Variants in PEX19 observed in about 807,000 individuals in gnomAD.
PEX19 encodes the protein peroxisomal biogenesis factor 19.
PEX19 carries 29 observed loss-of-function variants against 36.3 expected under a neutral mutation model. That is an observed-to-expected ratio of 0.80 (90% CI 0.60 to 1.09). PEX19 has a LOEUF of 1.09. PEX19 is among the 50% of genes least tolerant of loss of function. The pLI is 0.00. For synonymous variants in PEX19, 141 were observed against 135.2 expected (o/e 1.04, Z -0.30); for missense variants, 396 against 368.1 (o/e 1.08, Z -0.62).
rs186821837 is a variant in PEX19, at chr1:160,277,806, A to G, written c.*1745T>C. 1.1e-4 allele frequency: 56 copies of G among 517,044 alleles called. No individual in the cohort carries two copies. In the East Asian group the frequency reaches 2.8e-3, roughly 25 times the overall value. 32.0% of individuals were successfully genotyped at this position (517,044 alleles called of 1,614,324 possible). On this transcript the variant is annotated 3_prime_UTR_variant, in exon 8 of 8. Coordinates refer to ENST00000368072, the MANE Select transcript of PEX19 (RefSeq NM_002857.4). ...CTTTAAGGAGAAAATAGTGACACTG[A>G]AGCCCCATGACTATATCACAAGTAT... is the stretch of plus-strand genomic sequence containing the variant.
At position 160,279,838 on chromosome 1, in the gene PEX19, T is replaced by C; in HGVS notation, c.779A>G (p.Asp260Gly). The C allele has an allele frequency of 6.2e-7, 1 of 1,613,020 alleles. No homozygotes were observed. Among genetic ancestry groups the C allele is most frequent in the Non-Finnish European group, 8.5e-7 (1 of 1,179,008 alleles). The change falls in exon 7 of 8, where the codon GAT becomes GGT. Residue 260 changes from aspartate (D) to glycine (G), a missense_variant. By Grantham distance (94) the Asp-to-Gly change is moderately conservative. Coordinates refer to ENST00000368072, the MANE Select transcript of PEX19 (RefSeq NM_002857.4). Reference sequence around the variant, plus strand: ...CAGCTCTTTTGGAGGATGGCCTAAATCTTGTAGCTAGAAAATAAGGAAAAT... The same window carrying C: ...CAGCTCTTTTGGAGGATGGCCTAAACCTTGTAGCTAGAAAATAAGGAAAAT... ...MVLDLMQQLQ[D>G]LGHPPKELAG...
chr1:160,280,815 G>A (rs370215037), intron 5 of PEX19, among the ~76,000 whole-genome samples: 37 of 152,146 alleles, frequency 2.4e-4, no homozygotes, highest in African/African-American at 7.9e-4. Context: ...CACTACGCTC[G>A]GCTATTGCAC....
In PEX19 at chr1:160,278,882, G is replaced by GT. The variant is rs1335125500; in HGVS notation, c.*668dup. 4 of 453,960 alleles carry GT rather than the reference G, an allele frequency of 8.8e-6. No individual in the cohort carries two copies. The highest frequency in any genetic ancestry group is 1.8e-5 in the Non-Finnish European group (4 of 226,764). 28.1% of individuals were successfully genotyped at this position (453,960 alleles called of 1,614,324 possible). A position where few individuals can be genotyped will look rare whatever the true frequency, so the allele number is the denominator to read the frequency against. On this transcript the variant is annotated 3_prime_UTR_variant, in exon 8 of 8. Transcript: ENST00000368072. ...GGGTTCACCCATATCACACAGCATT[G>GT]TAGGAAGAAGCAGGGTAACCATTTG...
chr1:160,283,511 A>T lies in PEX19; in HGVS notation c.180+19T>A. ...CATGCCCATCCCCTCCCCATCCCTTAAGGGGGTGGAATTTATACTTTGGCA... is the reference window on the plus strand; with the variant it reads ...CATGCCCATCCCCTCCCCATCCCTTTAGGGGGTGGAATTTATACTTTGGCA... On this transcript the variant is annotated intron_variant, in intron 2 of 7. Transcript: ENST00000368072. 6.5e-7 allele frequency: 1 copy of T among 1,545,438 alleles called. No individual in the cohort carries two copies. The highest frequency in any genetic ancestry group is 8.9e-7 in the Non-Finnish European group (1 of 1,117,956).
At position 160,282,172 on chromosome 1, in the gene PEX19, G is replaced by C; in HGVS notation, c.461C>G (p.Thr154Ser). The change falls in exon 5 of 8, where the codon ACC (threonine) becomes AGC (serine). Residue 154 changes from threonine (T) to serine (S), a missense_variant. Coordinates refer to ENST00000368072, the MANE Select transcript of PEX19 (RefSeq NM_002857.4). Reference protein sequence around the residue: ...QNSSMSEEELTKAMEGLGMDE... With the variant: ...QNSSMSEEELSKAMEGLGMDE... ...CATGCCTAGCCCCTCCATGGCCTTGGTCAGCTCTTCTTCCGACATGCTGGA... is the reference window on the plus strand; with the variant it reads ...CATGCCTAGCCCCTCCATGGCCTTGCTCAGCTCTTCTTCCGACATGCTGGA... The C allele has an allele frequency of 6.2e-7, 1 of 1,614,122 alleles. No individual in the cohort carries two copies. Among genetic ancestry groups the C allele is most frequent in the Non-Finnish European group, 8.5e-7 (1 of 1,180,028 alleles).
rs1031514470 is a variant in PEX19, at chr1:160,277,017, G to A, written c.*2534C>T. The A allele has an allele frequency of 2.4e-5, 11 of 453,954 alleles. No individual in the cohort carries two copies. The highest frequency in any genetic ancestry group is 1.9e-4 in the Admixed American group (8 of 42,540). 28.1% of individuals were successfully genotyped at this position (453,954 alleles called of 1,614,324 possible). A position where few individuals can be genotyped will look rare whatever the true frequency, so the allele number is the denominator to read the frequency against. ...GAAAAGGAAGGCTAGAGAAATGCTA[G>A]AGATGTCCTTACTAGTGACACATTC... On this transcript the variant is annotated 3_prime_UTR_variant, in exon 8 of 8. Coordinates refer to ENST00000368072, the MANE Select transcript of PEX19 (RefSeq NM_002857.4).
intron 2 of PEX19, 113 bp downstream of exon 2, chr1:160,283,417 T>C: frequency 1.3e-6 from 1 of 756,334 alleles, no homozygotes; most frequent in Non-Finnish European, 2.2e-6. Flanking sequence ...CTCACCAATG[T>C]GAGGCCAAGG....
In PEX19 at chr1:160,277,689, A is replaced by C. The variant is rs1248655884; in HGVS notation, c.*1862T>G. On this transcript the variant is annotated 3_prime_UTR_variant, in exon 8 of 8. Coordinates refer to ENST00000368072, the MANE Select transcript of PEX19 (RefSeq NM_002857.4). ...AGCAGAAGTGAGAATCTGTAAAAGA[A>C]AACTGGTAGGACAGAAGGCACAAGG... is the stretch of plus-strand genomic sequence containing the variant. 1 of 455,736 alleles carries C rather than the reference A, an allele frequency of 2.2e-6. No homozygotes were observed. The highest frequency in any genetic ancestry group is 2.3e-5 in the Admixed American group (1 of 42,620). The allele number at this position is 455,736 out of a possible 1,614,324, so 28.2% of individuals were successfully genotyped here.
chr1:160,279,714 T>A, intron 7 of PEX19, 80 bp from the exon 8 acceptor site: 2 of 1,542,056 alleles, frequency 1.3e-6, no homozygotes, highest in Non-Finnish European at 1.8e-6. Context: ...TAGCCACAAT[T>A]TTCACCTTAG....
Position 160,282,151 on chromosome 1 carries a change from C to A in PEX19, c.482G>T (p.Gly161Val). ...EELTKAMEGL[G>V]MDEGDGEGNI... The stretch of plus-strand genomic sequence containing the variant: ...CCCTTCCCCATCCCCTTCGTCCATG[C>A]CTAGCCCCTCCATGGCCTTGGTCAG... The change falls in exon 5 of 8, where the codon GGC becomes GTC. Residue 161 changes from glycine (G) to valine (V), a missense_variant. Coordinates refer to ENST00000368072, the MANE Select transcript of PEX19 (RefSeq NM_002857.4). The A allele has an allele frequency of 6.2e-7, 1 of 1,614,146 alleles. No individual in the cohort carries two copies. Among genetic ancestry groups the A allele is most frequent in the Non-Finnish European group, 8.5e-7 (1 of 1,180,002 alleles).
In PEX19 at chr1:160,279,313, T is replaced by C. The variant is rs1171161646; in HGVS notation, c.*238A>G. The C allele has an allele frequency of 7.4e-6, 5 of 672,978 alleles. No individual in the cohort carries two copies. Among genetic ancestry groups the C allele is most frequent in the Admixed American group, 2.0e-5 (1 of 49,080 alleles). 41.7% of individuals were successfully genotyped at this position (672,978 alleles called of 1,614,324 possible). ...CTTCACCTTGCAGGTAGCTGGAACT[T>C]TGATAGTGGCAGAAACCACAATGGA... is the stretch of plus-strand genomic sequence containing the variant. On this transcript the variant is annotated 3_prime_UTR_variant, in exon 8 of 8. Coordinates refer to ENST00000368072, the MANE Select transcript of PEX19 (RefSeq NM_002857.4).
At position 160,279,164 on chromosome 1, in the gene PEX19, A is replaced by C. The variant is rs1421255769; in HGVS notation, c.*387T>G. 1 of 456,906 alleles carries C rather than the reference A, an allele frequency of 2.2e-6. No individual in the cohort carries two copies. Among genetic ancestry groups the C allele is most frequent in the Non-Finnish European group, 4.4e-6 (1 of 228,574 alleles). The allele number at this position is 456,906 out of a possible 1,614,324, so 28.3% of individuals were successfully genotyped here. A position where few individuals can be genotyped will look rare whatever the true frequency, so the allele number is the denominator to read the frequency against. On this transcript the variant is annotated 3_prime_UTR_variant, in exon 8 of 8. Transcript: ENST00000368072. ...CCAGGTCTCTGCCCCTCCTCCCCAG[A>C]TCCAAGAGAGGGAGTAGAGACAAGG...
At position 160,277,899 on chromosome 1, in the gene PEX19, C is replaced by T. The variant is rs556984579; in HGVS notation, c.*1652G>A. 1 of 675,714 alleles carries T rather than the reference C, an allele frequency of 1.5e-6. No homozygotes were observed. The highest frequency in any genetic ancestry group is 2.9e-5 in the East Asian group (1 of 34,712). The allele number at this position is 675,714 out of a possible 1,614,324, so 41.9% of individuals were successfully genotyped here. A position where few individuals can be genotyped will look rare whatever the true frequency, so the allele number is the denominator to read the frequency against. On this transcript the variant is annotated 3_prime_UTR_variant, in exon 8 of 8. Transcript: ENST00000368072. ...ATTCAGATCTGGGCTCTTCCATGCT[C>T]TGGTAAGGTATAGGAGTTGGAATTT...
In PEX19 at chr1:160,283,622, C is replaced by T. The variant is rs764990251; in HGVS notation, c.88G>A (p.Asp30Asn). Residue 30 changes from aspartate to asparagine, a missense_variant, in exon 2 of 8, where the codon GAT becomes AAT. Asp to Asn is a conservative substitution (Grantham distance 23). Transcript: ENST00000368072. ...ELLESALDDF[D>N]KAKPSPAPPS... The stretch of plus-strand genomic sequence containing the variant: ...GGTGCTGGGGAGGGTTTGGCTTTAT[C>T]GAAATCATCAAGAGCACCTTCAGAG... 22 of 1,613,834 alleles carry T rather than the reference C, an allele frequency of 1.4e-5. No individual in the cohort carries two copies. The African/African-American group carries it at 1.7e-4, about 13-fold the overall frequency.
chr1:160,284,403 A>G (rs771726826), intron 1 of PEX19, among the ~76,000 whole-genome samples: 16 of 152,142 alleles, frequency 1.1e-4, no homozygotes, highest in Non-Finnish European at 8.8e-5. Context: ...CACTGGCCCT[A>G]CTCTGGGCAG....
intron 1 of PEX19, chr1:160,284,299 A>G: frequency 4.9e-6 from 2 of 410,680 alleles, no homozygotes; most frequent in South Asian, 3.7e-5. Flanking sequence ...GCCTGCCCAC[A>G]TCTCCGTGAT....
chr1:160,281,242 G>C (rs568558345), intron 5 of PEX19: 1 of 152,438 alleles, frequency 6.6e-6, no homozygotes, highest in East Asian at 1.9e-4. Context: ...GCCTGGGATG[G>C]GGAGGCTGTG....
Position 160,277,991 on chromosome 1 carries a change from CA to C in PEX19, c.*1559del. On this transcript the variant is annotated 3_prime_UTR_variant, in exon 8 of 8. Coordinates refer to ENST00000368072, the MANE Select transcript of PEX19 (RefSeq NM_002857.4). The stretch of plus-strand genomic sequence containing the variant: ...AATACCATAAAACATGTAAGGTCTT[CA>C]AGGGGTGAAAAGTTTTAACCTCGGG... 1.4e-6 allele frequency: 1 copy of C among 698,642 alleles called. No homozygotes were observed. 43.3% of individuals were successfully genotyped at this position (698,642 alleles called of 1,614,324 possible). A position where few individuals can be genotyped will look rare whatever the true frequency, so the allele number is the denominator to read the frequency against.
At position 160,285,094 on chromosome 1, in the gene PEX19, C is replaced by A; in HGVS notation, c.31G>T (p.Gly11Trp). 3.1e-6 allele frequency: 5 copies of A among 1,614,050 alleles called. No homozygotes were observed. The highest frequency in any genetic ancestry group is 4.2e-6 in the Non-Finnish European group (5 of 1,179,922). ...TCCAATTCCCTGTCCGCTTCGGCCC[C>A]GACACTACAGCCTTCCTCAGCGGCG... is the stretch of plus-strand genomic sequence containing the variant. MAAAEEGCSV[G>W]AEADRELEEL... Residue 11 changes from glycine (G) to tryptophan (W), a missense_variant, in exon 1 of 8, where the codon GGG becomes TGG. Gly to Trp is a radical substitution (Grantham distance 184, BLOSUM62 -2). Coordinates refer to ENST00000368072, the MANE Select transcript of PEX19 (RefSeq NM_002857.4).
Sources: gnomAD v4.1 joint callset for allele counts (sites outside exome capture counted in the v4.1 genomes callset) on GRCh38, gnomAD v4.1.1 for gene constraint, MANE v1.5 for transcripts, NCBI Gene and HGNC (gene_info 2026-07-23, HGNC 2026-07-21) for gene names.